Variants in FANCM observed in about 807,000 individuals in gnomAD.
The protein encoded by FANCM is Fanconi anemia group M protein.
In FANCM, 140 loss-of-function variants were observed where a neutral mutation model predicts 199.5. The ratio of observed to expected loss-of-function variants is 0.70; its 90% CI spans 0.61 to 0.81. The LOEUF is 0.81. Among genes scored for constraint, FANCM ranks in the 30% least tolerant of loss-of-function variants. The probability of loss-of-function intolerance (pLI) is 0.00; values close to 1 mark genes in which losing one functional copy is unlikely to be tolerated. For missense variants in FANCM, 2,410 were observed against 2,421.4 expected, an observed-to-expected ratio of 1.00 and a Z score of 0.10; for synonymous variants, 840 against 836.8, an observed-to-expected ratio of 1.00 and a Z score of -0.07.
Position 45,199,860 on chromosome 14 carries a change from T to C in FANCM, c.6009-10T>C. On this transcript the variant is annotated splice_polypyrimidine_tract_variant and intron_variant, in intron 22 of 22. Coordinates refer to ENST00000267430, the MANE Select transcript of FANCM (RefSeq NM_020937.4). ...CCTAGTGTAATGATTTTGTCTCATT[T>C]ATTTTTCAGCTCACTTCAAGAAATC... 2 of 1,611,184 alleles carry C rather than the reference T, an allele frequency of 1.2e-6. No individual in the cohort carries two copies. Among genetic ancestry groups the C allele is most frequent in the East Asian group, 2.2e-5 (1 of 44,614 alleles).
Position 45,200,004 on chromosome 14 carries a change from T to C in FANCM, c.6143T>C (p.Ile2048Thr), listed in dbSNP as rs150447576. The C allele has an allele frequency of 8.2e-5, 131 of 1,606,494 alleles. 1 individual carries two copies. Among genetic ancestry groups the C allele is most frequent in the Non-Finnish European group, 1.0e-4 (118 of 1,174,640 alleles). ...DLNQDRLKSD[I>T] ...AACCAAGATAGACTGAAATCTGATATATAATCAAGCTGCTCAAGATGGGGT... is the reference window on the plus strand; with the variant it reads ...AACCAAGATAGACTGAAATCTGATACATAATCAAGCTGCTCAAGATGGGGT... Residue 2048 changes from isoleucine (I) to threonine (T), a missense_variant, in exon 23 of 23, where the codon ATA becomes ACA. Transcript: ENST00000267430.
intron 8 of FANCM, among the ~76,000 whole-genome samples, chr14:45,156,735 T>C (rs1887215102): frequency 6.6e-6 from 1 of 151,802 alleles, no homozygotes; most frequent in Non-Finnish European, 1.5e-5. Flanking sequence ...CTGGCCAACA[T>C]GGTGAAACCC....
chr14:45,179,480 C>A (rs1471876542), intron 14 of FANCM, among the ~76,000 whole-genome samples: 1 of 151,046 alleles, frequency 6.6e-6, no homozygotes, highest in African/African-American at 2.4e-5. Context: ...GCATTTTGCT[C>A]TTATAGCAAA....
At position 45,200,584 on chromosome 14, in the gene FANCM, T is replaced by G. The variant is rs1890304505; in HGVS notation, c.*576T>G. On this transcript the variant is annotated 3_prime_UTR_variant, in exon 23 of 23. Coordinates refer to ENST00000267430, the MANE Select transcript of FANCM (RefSeq NM_020937.4). ...CTATTAATATGAACTCTGATATGGT[T>G]TGGCTGTGTCCCCAACCAAAATCTC... 1 of 152,334 alleles carries G rather than the reference T, an allele frequency of 6.6e-6. No homozygotes were observed. The highest frequency in any genetic ancestry group is 2.4e-5 in the African/African-American group (1 of 41,448). 9.4% of individuals were successfully genotyped at this position (152,334 alleles called of 1,614,324 possible). A position where few individuals can be genotyped will look rare whatever the true frequency, so the allele number is the denominator to read the frequency against.
At chr14:45,179,973 G>A (rs552948185) in intron 14 of FANCM, among the ~76,000 whole-genome samples, 1 of 152,150 alleles carries the variant, frequency 6.6e-6, no homozygotes, top group African/African-American at 2.4e-5. Context: ...TTCCTCAATG[G>A]CCAACTAACC....
intron 9 of FANCM, among the ~76,000 whole-genome samples, chr14:45,160,828 A>G (rs974091906): frequency 3.9e-5 from 6 of 152,214 alleles, no homozygotes; most frequent in Non-Finnish European, 7.3e-5. Context: ...GGCGTGAGCC[A>G]TGGTCAGGTA....
At chr14:45,179,744 T>A (rs1281418661) in intron 14 of FANCM, among the ~76,000 whole-genome samples, 2 of 151,892 alleles carry the variant, frequency 1.3e-5, no homozygotes, top group East Asian at 3.9e-4. Flanking sequence ...GTATTTTTAG[T>A]AGAGATGGGG....
intron 17 of FANCM, 47 bp from the exon 18 acceptor site, chr14:45,185,170 T>A: frequency 8.0e-7 from 1 of 1,248,032 alleles, no homozygotes; most frequent in Admixed American, 1.9e-5. Context: ...TGAAAGAAAA[T>A]TATTTTCTCA....
intron 4 of FANCM, among the ~76,000 whole-genome samples, chr14:45,149,274 A>G (rs571470893): frequency 6.7e-6 from 1 of 150,212 alleles, no homozygotes; most frequent in Non-Finnish European, 1.5e-5. Flanking sequence ...TATAACTGGA[A>G]TATAGAACAT....
chr14:45,163,002 CCGA>C (rs148369806), intron 9 of FANCM, among the ~76,000 whole-genome samples: 12,873 of 152,068 alleles, frequency 0.085, 701 homozygotes, highest in South Asian at 0.18. Flanking sequence ...TCCCTGTACT[CCGA>C]GGATTTCCAT....
chr14:45,187,244 TA>T (rs778763218), intron 18 of FANCM, among the ~76,000 whole-genome samples: 4 of 151,962 alleles, frequency 2.6e-5, no homozygotes, highest in Admixed American at 6.6e-5. Context: ...AAATTCACAT[TA>T]TCTTTTGTTT....
intron 8 of FANCM, among the ~76,000 whole-genome samples, chr14:45,158,457 A>T (rs1166147080): frequency 7.2e-6 from 1 of 139,014 alleles, no homozygotes; most frequent in East Asian, 2.6e-4. Context: ...GCACAGACAT[A>T]TCGGGAGCAG....
intron 9 of FANCM, among the ~76,000 whole-genome samples, chr14:45,163,476 C>T (rs147514402): frequency 1.2e-4 from 19 of 152,306 alleles, no homozygotes; most frequent in African/African-American, 4.3e-4. Flanking sequence ...AACTGAGGCT[C>T]AGAGCAGTTG....
chr14:45,160,968 C>T (rs1214546084), intron 9 of FANCM, among the ~76,000 whole-genome samples: 1 of 151,926 alleles, frequency 6.6e-6, no homozygotes, highest in East Asian at 1.9e-4. Context: ...TCAGATTATA[C>T]ATATTTTTAA....
At chr14:45,157,699 A>G (rs555456461) in intron 8 of FANCM, among the ~76,000 whole-genome samples, 4 of 152,314 alleles carry the variant, frequency 2.6e-5, no homozygotes, top group South Asian at 4.1e-4. Context: ...GCTTGATGCA[A>G]TGATGATTCA....
intron 21 of FANCM, among the ~76,000 whole-genome samples, chr14:45,197,369 GGT>G (rs980983655): frequency 6.6e-6 from 1 of 152,152 alleles, no homozygotes; most frequent in African/African-American, 2.4e-5. Context: ...GTAAAACATT[GGT>G]GTGGGAGTTG....
chr14:45,173,838 A>G (rs554784357), intron 13 of FANCM, among the ~76,000 whole-genome samples: 1 of 152,312 alleles, frequency 6.6e-6, no homozygotes, highest in South Asian at 2.1e-4. Flanking sequence ...TACACAGTAA[A>G]TTGTAGCTCC....
Position 45,187,903 on chromosome 14 carries a change from A to ATTCTCCATTATATTTC in FANCM, c.4779+17_4779+18insTCTCCATTATATTTCT. Reference sequence around the variant, plus strand: ...TTTCTCGCAGGTATGAACTATAGAAATATAATGGAGAATTTCTGGATGATG... The same window carrying ATTCTCCATTATATTTC: ...TTTCTCGCAGGTATGAACTATAGAAATTCTCCATTATATTTCTATAATGGAGAATTTCTGGATGATG... On this transcript the variant is annotated intron_variant, in intron 19 of 22. Transcript: ENST00000267430. The ATTCTCCATTATATTTC allele has an allele frequency of 8.5e-7, 1 of 1,178,714 alleles. No individual in the cohort carries two copies. Among genetic ancestry groups the ATTCTCCATTATATTTC allele is most frequent in the Non-Finnish European group, 1.3e-6 (1 of 785,108 alleles). 73.0% of individuals were successfully genotyped at this position (1,178,714 alleles called of 1,614,324 possible).
intron 21 of FANCM, among the ~76,000 whole-genome samples, chr14:45,198,221 G>C (rs1890174883): frequency 1.3e-5 from 2 of 152,160 alleles, no homozygotes; most frequent in South Asian, 4.1e-4. Context: ...AGAAAGGGTA[G>C]GGAAGTAATT....
Sources: gnomAD v4.1 joint callset for allele counts (sites outside exome capture counted in the v4.1 genomes callset) on GRCh38, gnomAD v4.1.1 for gene constraint, MANE v1.5 for transcripts, NCBI Gene and HGNC (gene_info 2026-07-23, HGNC 2026-07-21) for gene names.